Variants in MEI1 observed in about 807,000 individuals in gnomAD.
The protein encoded by MEI1 is meiotic double-stranded break formation protein 1, also known as meiosis inhibitor protein 1.
In MEI1, 103 loss-of-function variants were observed where a neutral mutation model predicts 146.2. The ratio of observed to expected loss-of-function variants is 0.70; its 90% CI spans 0.60 to 0.83. MEI1 has a LOEUF of 0.83. MEI1 is among the 40% of genes least tolerant of loss of function. The pLI, the probability that MEI1 is intolerant of heterozygous loss-of-function variation, is 0.00. For synonymous variants in MEI1, 652 were observed against 628.2 expected (o/e 1.04, Z -0.57); for missense variants, 1,529 against 1,533.0 (o/e 1.00, Z 0.04).
intron 6 of MEI1, 43 bp from the exon 7 acceptor site, chr22:41,723,900 C>G (rs780150238): frequency 2.0e-5 from 31 of 1,560,622 alleles, no homozygotes; most frequent in Non-Finnish European, 2.6e-5. Flanking sequence ...ACTCTGGTGC[C>G]TGTGTTCCTC....
intron 24 of MEI1, 84 bp from the exon 25 acceptor site, chr22:41,784,255 T>TTTGTG: frequency 8.4e-7 from 1 of 1,196,614 alleles, no homozygotes; most frequent in Non-Finnish European, 1.2e-6. Flanking sequence ...TGGGGGGAGG[T>TTTGTG]GATAGAAGAG....
chr22:41,737,830 G>A (rs2072514683), intron 11 of MEI1, among the ~76,000 whole-genome samples: 3 of 152,162 alleles, frequency 2.0e-5, no homozygotes, highest in Middle Eastern at 3.4e-3. Context: ...TGCGAATGTA[G>A]GATGTTAAAA....
chr22:41,719,535 T>C (rs1413373933), intron 6 of MEI1, among the ~76,000 whole-genome samples: 1 of 152,122 alleles, frequency 6.6e-6, no homozygotes, highest in Non-Finnish European at 1.5e-5. Context: ...ACAAACCCAC[T>C]CCCATGGTGA....
At chr22:41,754,719 C>T (rs911097781) in intron 17 of MEI1, among the ~76,000 whole-genome samples, 5 of 152,254 alleles carry the variant, frequency 3.3e-5, no homozygotes, top group East Asian at 3.9e-4. Flanking sequence ...TGTGAGCTAC[C>T]GTGCCCAGCC....
intron 7 of MEI1, 21 bp from the exon 8 acceptor site, chr22:41,729,644 T>A: frequency 1.3e-6 from 2 of 1,559,610 alleles, no homozygotes; most frequent in South Asian, 1.1e-5. Context: ...CTGGGGTACT[T>A]TTTGCTGCCT....
intron 1 of MEI1, among the ~76,000 whole-genome samples, chr22:41,701,577 T>G (rs1015692367): frequency 2.6e-4 from 40 of 152,226 alleles, no homozygotes; most frequent in African/African-American, 8.9e-4. Context: ...CTCTGGGAAC[T>G]CGTAAACTAG....
intron 26 of MEI1, among the ~76,000 whole-genome samples, chr22:41,787,544 T>G (rs1228795455): frequency 6.6e-6 from 1 of 152,190 alleles, no homozygotes; most frequent in East Asian, 1.9e-4. Flanking sequence ...GAGCATAATC[T>G]TTAATACCTT....
At chr22:41,781,046 TAA>T (rs2075733972) in intron 22 of MEI1, among the ~76,000 whole-genome samples, 2 of 152,258 alleles carry the variant, frequency 1.3e-5, no homozygotes, top group Non-Finnish European at 2.9e-5. Context: ...TTTGAAATCC[TAA>T]AGTCTTTCTG....
chr22:41,717,647 G>A (rs1479988942), intron 5 of MEI1, among the ~76,000 whole-genome samples: 1 of 141,794 alleles, frequency 7.1e-6, no homozygotes, highest in Non-Finnish European at 1.5e-5. Flanking sequence ...TTGGAGTCTC[G>A]CTCTGTTGCC....
chr22:41,745,246 G>C (rs947117763), intron 13 of MEI1, among the ~76,000 whole-genome samples, 182 bp downstream of exon 13: 5 of 152,082 alleles, frequency 3.3e-5, no homozygotes, highest in African/African-American at 4.8e-5. Flanking sequence ...GGCAGCTAGG[G>C]GTAGGACCTT....
At chr22:41,771,029 C>T (rs2075151624) in intron 20 of MEI1, 68 bp downstream of exon 20, 8 of 1,557,588 alleles carry the variant, frequency 5.1e-6, no homozygotes, top group Non-Finnish European at 6.1e-6. Flanking sequence ...AGCCGGTTTA[C>T]TGAGGTCAGG....
In MEI1 at chr22:41,788,152, C is replaced by T. The variant is rs1360077503; in HGVS notation, c.3345+3369C>T. Among the ~76,000 whole-genome samples, 3 of 151,732 alleles carry T rather than the reference C, an allele frequency of 2.0e-5. No individual in the cohort carries two copies. In the East Asian group the frequency reaches 5.8e-4, roughly 30 times the overall value. ...TTAAGTGATTCTCCTGCCTCAGCCT[C>T]CCAAGTACCTGGGACTACAGGTACG... On this transcript the variant is annotated intron_variant, in intron 26 of 30. Coordinates refer to ENST00000401548, the MANE Select transcript of MEI1 (RefSeq NM_152513.4).
At chr22:41,742,983 GA>G in intron 11 of MEI1, 96 bp from the exon 12 acceptor site, 2 of 791,664 alleles carry the variant, frequency 2.5e-6, no homozygotes, top group Non-Finnish European at 2.1e-6. Flanking sequence ...TCCATGTTCT[GA>G]TCCAACTGCA....
chr22:41,793,130 C>T (rs948382487), intron 26 of MEI1, among the ~76,000 whole-genome samples: 4 of 143,370 alleles, frequency 2.8e-5, no homozygotes, highest in Admixed American at 7.8e-5. Context: ...ATTCTGCTCC[C>T]GGGTTCAAGC....
At chr22:41,764,964 A>G (rs2074743232) in intron 19 of MEI1, among the ~76,000 whole-genome samples, 1 of 152,170 alleles carries the variant, frequency 6.6e-6, no homozygotes, top group Non-Finnish European at 1.5e-5. Context: ...CAGAATACTA[A>G]TAATGTTCAT....
chr22:41,788,860 A>G (rs1470324675), intron 26 of MEI1, among the ~76,000 whole-genome samples: 1 of 151,976 alleles, frequency 6.6e-6, no homozygotes, highest in Non-Finnish European at 1.5e-5. Context: ...TATTTTTGAG[A>G]TAGGGTCTTG....
intron 18 of MEI1, 55 bp downstream of exon 18, chr22:41,758,588 T>C: frequency 6.5e-7 from 1 of 1,534,414 alleles, no homozygotes; most frequent in Non-Finnish European, 8.9e-7. Flanking sequence ...TCATCAGCAG[T>C]TCAGTTCAAT....
intron 15 of MEI1, among the ~76,000 whole-genome samples, chr22:41,749,659 T>C (rs1435548601): frequency 6.6e-6 from 1 of 152,194 alleles, no homozygotes; most frequent in Non-Finnish European, 1.5e-5. Context: ...AGAAAGATCT[T>C]TCTTGGAGCA....
At position 41,732,562 on chromosome 22, in the gene MEI1, GGT is replaced by G. The variant is rs2071960327; in HGVS notation, c.1292_1293del (p.Val431GlyfsTer3). On this transcript the variant is annotated frameshift_variant, in exon 11 of 31. Coordinates refer to ENST00000401548, the MANE Select transcript of MEI1 (RefSeq NM_152513.4). LOFTEE classifies it high-confidence loss of function. Reference sequence around the variant, plus strand: ...AAGCAGTTAGCAGCCCTGTGCTGGAGGTGGCTGCTGAGGCCTTGAAGGCCACT... The same window carrying G: ...AAGCAGTTAGCAGCCCTGTGCTGGAGGGCTGCTGAGGCCTTGAAGGCCACT... ...QEAVSSPVLE[V>X]AAEALKATSA... 6.2e-7 allele frequency: 1 copy of G among 1,613,784 alleles called. No homozygotes were observed. The highest frequency in any genetic ancestry group is 8.5e-7 in the Non-Finnish European group (1 of 1,179,866).
Sources: gnomAD v4.1 joint callset for allele counts (sites outside exome capture counted in the v4.1 genomes callset) on GRCh38, gnomAD v4.1.1 for gene constraint, MANE v1.5 for transcripts, NCBI Gene and HGNC (gene_info 2026-07-23, HGNC 2026-07-21) for gene names.